The following CSMD1 variants were observed in gnomAD, a reference collection of about 807,000 sequenced individuals.
CSMD1 encodes CUB and sushi domain-containing protein 1.
In CSMD1, 213 loss-of-function variants were observed where a neutral mutation model predicts 417.5. That is an observed-to-expected ratio of 0.51 (90% CI 0.46 to 0.57). The LOEUF is 0.57. Among genes scored for constraint, CSMD1 ranks in the 20% least tolerant of loss-of-function variants. CSMD1 has a pLI of 0.00. For missense variants in CSMD1, 6,923 were observed against 4,529.7 expected, an observed-to-expected ratio of 1.53 and a Z score of -15.17; for synonymous variants, 2,862 against 1,736.8, an observed-to-expected ratio of 1.65 and a Z score of -16.11.
At chr8:4,158,705 C>T (rs1036647933) in intron 3 of CSMD1, among the ~76,000 whole-genome samples, 1 of 152,094 alleles carries the variant, frequency 6.6e-6, no homozygotes, top group Admixed American at 6.6e-5. Context: ...TCCTAAACCA[C>T]CCCATTCAGT....
At chr8:4,278,468 C>T (rs1041443803) in intron 3 of CSMD1, among the ~76,000 whole-genome samples, 1 of 152,124 alleles carries the variant, frequency 6.6e-6, no homozygotes, top group African/African-American at 2.4e-5. Flanking sequence ...AATTTTTTAA[C>T]ATGAAAGCAG....
chr8:4,562,059 G>C (rs763761239), intron 2 of CSMD1, among the ~76,000 whole-genome samples: 2 of 152,198 alleles, frequency 1.3e-5, no homozygotes, highest in South Asian at 2.1e-4. Flanking sequence ...AGCCAGCAAA[G>C]AGACGTCAAT....
intron 3 of CSMD1, among the ~76,000 whole-genome samples, chr8:4,103,485 T>A (rs570749798): frequency 6.7e-6 from 1 of 150,356 alleles, no homozygotes; most frequent in African/African-American, 2.4e-5. Flanking sequence ...GGGTTTTACA[T>A]ATATATAAAT....
At chr8:4,209,316 G>C (rs975214755) in intron 3 of CSMD1, among the ~76,000 whole-genome samples, 2 of 152,116 alleles carry the variant, frequency 1.3e-5, no homozygotes, top group African/African-American at 2.4e-5. Flanking sequence ...CCATCTATGA[G>C]ACATCTTCCC....
chr8:4,840,027 C>A (rs902542482), intron 1 of CSMD1, among the ~76,000 whole-genome samples: 1 of 152,148 alleles, frequency 6.6e-6, no homozygotes, highest in African/African-American at 2.4e-5. Context: ...GCACAAAAGC[C>A]TGGTTTGGGG....
chr8:3,163,142 T>G (rs1248632324), intron 37 of CSMD1, among the ~76,000 whole-genome samples: 1 of 152,198 alleles, frequency 6.6e-6, no homozygotes, highest in Non-Finnish European at 1.5e-5. Flanking sequence ...ATATATTAAT[T>G]TCATTTAATT....
intron 3 of CSMD1, among the ~76,000 whole-genome samples, chr8:4,134,353 G>A (rs1406639437): frequency 2.0e-5 from 3 of 152,104 alleles, no homozygotes; most frequent in Admixed American, 6.6e-5. Flanking sequence ...CATCCATGAC[G>A]ATTTTTATTC....
chr8:4,567,419 A>G (rs1798664660), intron 2 of CSMD1, among the ~76,000 whole-genome samples: 4 of 152,188 alleles, frequency 2.6e-5, no homozygotes, highest in Admixed American at 2.6e-4. Context: ...GAAAACAACA[A>G]CAAATGGCAT....
chr8:4,343,929 G>C (rs1453802029), intron 3 of CSMD1, among the ~76,000 whole-genome samples: 1 of 152,060 alleles, frequency 6.6e-6, no homozygotes, highest in Non-Finnish European at 1.5e-5. Flanking sequence ...GCCAAGAGAA[G>C]TGTTTTAAAA....
chr8:4,193,546 T>C (rs1799158272), intron 3 of CSMD1, among the ~76,000 whole-genome samples: 1 of 151,842 alleles, frequency 6.6e-6, no homozygotes, highest in Non-Finnish European at 1.5e-5. Context: ...GAGGTCTGAG[T>C]CACAAGAGGC....
At chr8:4,969,711 T>C (rs1585430488) in intron 1 of CSMD1, among the ~76,000 whole-genome samples, 1 of 152,084 alleles carries the variant, frequency 6.6e-6, no homozygotes, top group Non-Finnish European at 1.5e-5. Flanking sequence ...TTCCTGCGGC[T>C]GGCTTTCTCT....
chr8:3,969,276 G>A (rs775381946), intron 5 of CSMD1, among the ~76,000 whole-genome samples: 4 of 152,130 alleles, frequency 2.6e-5, no homozygotes, highest in African/African-American at 9.7e-5. Flanking sequence ...AAGAGTGGCT[G>A]TAGCTGCAAA....
chr8:3,237,355 T>A (rs1799213315), intron 26 of CSMD1, among the ~76,000 whole-genome samples: 1 of 151,498 alleles, frequency 6.6e-6, no homozygotes, highest in East Asian at 1.9e-4. Context: ...TAATCTCAGC[T>A]ACTCGGGAGG....
chr8:4,950,978 A>T (rs1427968833), intron 1 of CSMD1, among the ~76,000 whole-genome samples: 1 of 99,500 alleles, frequency 1.0e-5, no homozygotes, highest in Non-Finnish European at 2.1e-5. Flanking sequence ...AAACAAAAAC[A>T]AAAACAAAAA....
intron 54 of CSMD1, among the ~76,000 whole-genome samples, chr8:2,996,724 C>T (rs1292884711): frequency 7.2e-5 from 11 of 152,244 alleles, no homozygotes; most frequent in African/African-American, 2.4e-4. Flanking sequence ...TGTTTTGCAT[C>T]TCCTCTTATT....
chr8:4,914,783 C>T (rs78186724), intron 1 of CSMD1, among the ~76,000 whole-genome samples: 5,425 of 152,126 alleles, frequency 0.036, 126 homozygotes, highest in Non-Finnish European at 0.055. Flanking sequence ...GCATGAGTTC[C>T]CATGTAACCA....
At chr8:4,806,209 C>A (rs1295025312) in intron 1 of CSMD1, among the ~76,000 whole-genome samples, 1 of 152,206 alleles carries the variant, frequency 6.6e-6, no homozygotes, top group Non-Finnish European at 1.5e-5. Flanking sequence ...ACCACCAGCT[C>A]TCTAGGTGCA....
intron 2 of CSMD1, among the ~76,000 whole-genome samples, chr8:4,614,299 G>T (rs898598240): frequency 8.5e-5 from 13 of 152,160 alleles, no homozygotes; most frequent in Admixed American, 8.5e-4. Context: ...TGGACACAAA[G>T]GCCAAAACTC....
intron 5 of CSMD1, among the ~76,000 whole-genome samples, chr8:3,931,125 G>A (rs868142701): frequency 1.3e-5 from 2 of 150,508 alleles, no homozygotes; most frequent in Non-Finnish European, 3.0e-5. Context: ...CGATATTGCA[G>A]GGTAACCATA....
Sources: gnomAD v4.1 joint callset for allele counts (sites outside exome capture counted in the v4.1 genomes callset) on GRCh38, gnomAD v4.1.1 for gene constraint, MANE v1.5 for transcripts, NCBI Gene and HGNC (gene_info 2026-07-23, HGNC 2026-07-21) for gene names.